Variants in PAPSS1 observed in about 807,000 individuals in gnomAD.
PAPSS1 encodes the protein bifunctional 3'-phosphoadenosine 5'-phosphosulfate synthase 1.
In PAPSS1, 50 loss-of-function variants were observed where a neutral mutation model predicts 72.0. That is an observed-to-expected ratio of 0.69 (90% CI 0.55 to 0.88). The LOEUF (loss-of-function observed/expected upper bound fraction) is 0.88, where lower values mean the gene tolerates loss of function less well. Ranked by LOEUF, PAPSS1 falls within the 40% of genes least tolerant of loss-of-function variation. The probability of loss-of-function intolerance (pLI) is 0.00; values close to 1 mark genes in which losing one functional copy is unlikely to be tolerated. For synonymous variants in PAPSS1, 261 were observed against 263.6 expected (o/e 0.99, Z 0.09); for missense variants, 657 against 782.2 (o/e 0.84, Z 1.91).
chr4:107,704,986 A>G (rs1224316090), intron 1 of PAPSS1, among the ~76,000 whole-genome samples: 1 of 151,940 alleles, frequency 6.6e-6, no homozygotes, highest in Non-Finnish European at 1.5e-5. Context: ...ATGTTGAACC[A>G]TCTTTGCATC....
Position 107,654,846 on chromosome 4 carries a change from T to C in PAPSS1, c.950A>G (p.Lys317Arg). The change falls in exon 8 of 12, where the codon AAA becomes AGA. Residue 317 changes from lysine to arginine, a missense_variant. By Grantham distance (26) the Lys-to-Arg change is conservative. Around this residue, in one of 7 missense-constraint regions of PAPSS1, gnomAD observed 190 missense variants for 176.7 expected, o/e 1.07. Coordinates refer to ENST00000265174, the MANE Select transcript of PAPSS1 (RefSeq NM_005443.5). ...TGCTGTACAGCCGTCCAGCCTCTCT[T>C]TATCTTCATGAGTCGCAGTCAGAAC... ...PIVLTATHED[K>R]ERLDGCTAFA... 1.2e-6 allele frequency: 2 copies of C among 1,614,030 alleles called. No homozygotes were observed. Among genetic ancestry groups the C allele is most frequent in the Non-Finnish European group, 1.7e-6 (2 of 1,179,958 alleles).
intron 5 of PAPSS1, among the ~76,000 whole-genome samples, chr4:107,677,605 C>A (rs1172811003): frequency 6.6e-6 from 1 of 152,126 alleles, no homozygotes; most frequent in Admixed American, 6.5e-5. Context: ...AAACTAGTTC[C>A]ACCATTGTGG....
rs1725750443 is a variant in PAPSS1 at position 107,613,738 on chromosome 4, T to C, written c.*511A>G. ...GCTTACACAGATCATAAGAATACTTTAGATTATAACAGCTGGAAAGACCAA... is the reference window on the plus strand; with the variant it reads ...GCTTACACAGATCATAAGAATACTTCAGATTATAACAGCTGGAAAGACCAA... On this transcript the variant is annotated 3_prime_UTR_variant, in exon 12 of 12. Transcript: ENST00000265174. The C allele has an allele frequency of 6.6e-6, 1 of 152,228 alleles. No individual in the cohort carries two copies. The highest frequency in any genetic ancestry group is 1.5e-5 in the Non-Finnish European group (1 of 68,060). The allele number at this position is 152,228 out of a possible 1,614,324, so 9.4% of individuals were successfully genotyped here.
chr4:107,698,982 T>C (rs1349878058), intron 2 of PAPSS1, among the ~76,000 whole-genome samples: 2 of 151,938 alleles, frequency 1.3e-5, no homozygotes, highest in Non-Finnish European at 2.9e-5. Context: ...AGCCATCCCG[T>C]CCCAATTGAG....
At position 107,701,266 on chromosome 4, in the gene PAPSS1, T is replaced by A; in HGVS notation, c.80A>T (p.Asn27Ile). 6.2e-7 allele frequency: 1 copy of A among 1,613,180 alleles called. No homozygotes were observed. Among genetic ancestry groups the A allele is most frequent in the South Asian group, 1.1e-5 (1 of 90,972 alleles). The change falls in exon 2 of 12, where the codon AAT (asparagine) becomes ATT (isoleucine). Residue 27 changes from asparagine to isoleucine, a missense_variant. Physicochemically the swap from Asn to Ile is moderately radical, Grantham distance 149. Coordinates refer to ENST00000265174, the MANE Select transcript of PAPSS1 (RefSeq NM_005443.5). ...AQNWGMQRAT[N>I]VTYQAHHVSR... is the part of the protein sequence containing the mutation. ...GACATGATGGGCTTGGTAGGTGACA[T>A]TGGTTGCTCTCTGCATTCCCTAGAA... is the stretch of plus-strand genomic sequence containing the variant.
chr4:107,647,020 C>T (rs555242288), intron 9 of PAPSS1, among the ~76,000 whole-genome samples: 1 of 152,300 alleles, frequency 6.6e-6, no homozygotes, highest in Admixed American at 6.5e-5. Flanking sequence ...AGGTCTTCCT[C>T]CCCTACCCAA....
intron 4 of PAPSS1, among the ~76,000 whole-genome samples, chr4:107,683,952 G>A (rs1304039877): frequency 7.5e-6 from 1 of 132,868 alleles, no homozygotes; most frequent in Non-Finnish European, 1.7e-5. Flanking sequence ...CTAAGTATCA[G>A]TGTATGCATA....
chr4:107,665,503 G>A (rs987941923), intron 5 of PAPSS1, among the ~76,000 whole-genome samples: 2 of 152,060 alleles, frequency 1.3e-5, no homozygotes, highest in African/African-American at 4.8e-5. Flanking sequence ...AAAACACAAA[G>A]AGATCACAAG....
intron 5 of PAPSS1, among the ~76,000 whole-genome samples, chr4:107,664,970 T>C (rs373113699): frequency 6.6e-6 from 1 of 152,236 alleles, no homozygotes; most frequent in African/African-American, 2.4e-5. Context: ...CCCAACAATA[T>C]TTTTAAATGG....
At chr4:107,627,002 T>G (rs1031383249) in intron 11 of PAPSS1, among the ~76,000 whole-genome samples, 2 of 152,228 alleles carry the variant, frequency 1.3e-5, no homozygotes, top group African/African-American at 4.8e-5. Context: ...TTAAGAGAAC[T>G]GATGTAATTA....
intron 11 of PAPSS1, among the ~76,000 whole-genome samples, chr4:107,622,693 G>A (rs909241065): frequency 6.6e-5 from 10 of 152,200 alleles, no homozygotes; most frequent in East Asian, 1.9e-4. Flanking sequence ...ACTGCTTTAC[G>A]AAATGTAGAA....
intron 2 of PAPSS1, among the ~76,000 whole-genome samples, chr4:107,699,444 T>C (rs1723154552): frequency 6.6e-6 from 1 of 152,102 alleles, no homozygotes; most frequent in Non-Finnish European, 1.5e-5. Flanking sequence ...GGCCCACACA[T>C]AAGTGGAGAC....
chr4:107,693,587 G>C (rs1378279292), intron 3 of PAPSS1, among the ~76,000 whole-genome samples, 184 bp downstream of exon 3: 4 of 152,124 alleles, frequency 2.6e-5, no homozygotes, highest in Non-Finnish European at 5.9e-5. Context: ...GATTTACTTA[G>C]AAAGTCACAG....
At chr4:107,652,626 A>G (rs573091035) in intron 9 of PAPSS1, among the ~76,000 whole-genome samples, 3 of 152,200 alleles carry the variant, frequency 2.0e-5, no homozygotes, top group African/African-American at 7.2e-5. Flanking sequence ...ACTGGCATAT[A>G]AAGATCCAGA....
At chr4:107,676,128 C>T (rs1578414949) in intron 5 of PAPSS1, among the ~76,000 whole-genome samples, 1 of 152,150 alleles carries the variant, frequency 6.6e-6, no homozygotes, top group Non-Finnish European at 1.5e-5. Context: ...TGGCACAAGA[C>T]AGGGATGCCC....
intron 5 of PAPSS1, among the ~76,000 whole-genome samples, chr4:107,678,230 T>C (rs976284054): frequency 2.6e-5 from 1 of 39,126 alleles, no homozygotes. Context: ...TAGCTGAATG[T>C]AAAAAATAAA....
intron 2 of PAPSS1, chr4:107,694,410 C>G (rs1723016413): frequency 5.9e-6 from 1 of 170,028 alleles, no homozygotes; most frequent in South Asian, 1.5e-4. Context: ...AGGAAAACAC[C>G]TACAGTTTAA....
At chr4:107,702,128 A>G (rs1158980863) in intron 1 of PAPSS1, among the ~76,000 whole-genome samples, 1 of 152,226 alleles carries the variant, frequency 6.6e-6, no homozygotes, top group African/African-American at 2.4e-5. Flanking sequence ...CAAAACTACA[A>G]TAAGGTATCA....
chr4:107,629,556 C>A lies in PAPSS1; in HGVS notation c.1736+2075G>T, dbSNP rs542393649. Among the ~76,000 whole-genome samples, 10 of 151,888 alleles carry A rather than the reference C, an allele frequency of 6.6e-5. No individual in the cohort carries two copies. The South Asian group carries it at 2.1e-3, about 31-fold the overall frequency. ...AGATCAGCTGCAGACAAGAGCAAAG[C>A]TTTCAATGGACATTTTAAACAAGTG... On this transcript the variant is annotated intron_variant, in intron 11 of 11. Coordinates refer to ENST00000265174, the MANE Select transcript of PAPSS1 (RefSeq NM_005443.5).
Sources: allele counts gnomAD v4.1 joint callset (sites outside exome capture counted in the v4.1 genomes callset), GRCh38; gene constraint gnomAD v4.1.1; regional missense constraint gnomAD v4.1.1; transcripts MANE v1.5; gene names NCBI Gene and HGNC (gene_info 2026-07-23, HGNC 2026-07-21).